SYNE1: variants seen among roughly 807,000 people sequenced by gnomAD.
SYNE1 encodes spectrin repeat containing nuclear envelope protein 1.
In SYNE1, 616 loss-of-function variants were observed where a neutral mutation model predicts 1,111.0. That is an observed-to-expected ratio of 0.55 (90% CI 0.52 to 0.59). The LOEUF is 0.59. Ranked by LOEUF, SYNE1 falls within the 20% of genes least tolerant of loss-of-function variation. The pLI, the probability that SYNE1 is intolerant of heterozygous loss-of-function variation, is 0.00. For synonymous variants in SYNE1, 3,855 were observed against 3,825.8 expected (o/e 1.01, Z -0.28); for missense variants, 10,006 against 10,417.0 (o/e 0.96, Z 1.72).
Position 152,413,603 on chromosome 6 carries a change from TATG to T in SYNE1, c.6051-75_6051-73del, listed in dbSNP as rs2098105689. ...AATGAATATTTCTTCTCCGTAAGTA[TATG>T]ATGAGTCCATAAAGCACTCATTTAG... On this transcript the variant is annotated intron_variant, in intron 41 of 145. Coordinates refer to ENST00000367255, the MANE Select transcript of SYNE1 (RefSeq NM_182961.4). 5.4e-6 allele frequency: 8 copies of T among 1,474,008 alleles called. No individual in the cohort carries two copies. In the South Asian group the frequency reaches 8.1e-5, roughly 15 times the overall value. 91.3% of individuals were successfully genotyped at this position (1,474,008 alleles called of 1,614,324 possible).
chr6:152,377,640 AAT>A (rs1369932106), intron 56 of SYNE1, among the ~76,000 whole-genome samples: 1,550 of 33,720 alleles, frequency 0.046, 54 homozygotes, highest in South Asian at 0.078. Context: ...AAAAAAAAAA[AAT>A]ATATATATAT....
At chr6:152,184,123 TAA>T (rs996209607) in intron 128 of SYNE1, among the ~76,000 whole-genome samples, 3 of 152,122 alleles carry the variant, frequency 2.0e-5, no homozygotes, top group African/African-American at 7.2e-5. Flanking sequence ...ATTAGAGAAA[TAA>T]GAGAGTAATT....
intron 3 of SYNE1, 44 bp from the exon 4 acceptor site, chr6:152,540,065 G>C (rs1336620538): frequency 6.3e-7 from 1 of 1,583,026 alleles, no homozygotes. Flanking sequence ...AATATTTCAT[G>C]AAGCTGTATA....
At chr6:152,271,066 C>T (rs1333760837) in intron 98 of SYNE1, among the ~76,000 whole-genome samples, 1 of 152,112 alleles carries the variant, frequency 6.6e-6, no homozygotes, top group African/African-American at 2.4e-5. Context: ...AGCTGCTGCT[C>T]GCCTGCCCCT....
chr6:152,326,766 T>A, intron 78 of SYNE1, 133 bp from the exon 79 acceptor site: 1 of 825,194 alleles, frequency 1.2e-6, no homozygotes, highest in Admixed American at 2.2e-5. Flanking sequence ...GATAAGTTAG[T>A]GGAATATTTT....
chr6:152,143,958 G>T, intron 137 of SYNE1, 193 bp from the exon 138 acceptor site: 1 of 733,252 alleles, frequency 1.4e-6, no homozygotes, highest in Non-Finnish European at 2.3e-6. Context: ...CAATGAAGGT[G>T]CTTGACTGAG....
At chr6:152,541,466 T>A (rs1235422524) in intron 3 of SYNE1, among the ~76,000 whole-genome samples, 1 of 152,094 alleles carries the variant, frequency 6.6e-6, no homozygotes, top group East Asian at 1.9e-4. Flanking sequence ...GCCACTGAAT[T>A]GGCCAGGCGT....
chr6:152,166,277 C>G (rs1269667873), intron 130 of SYNE1, among the ~76,000 whole-genome samples: 1 of 152,240 alleles, frequency 6.6e-6, no homozygotes, highest in Non-Finnish European at 1.5e-5. Context: ...AAACTCAGTG[C>G]TTTGCACTAA....
chr6:152,318,979 C>A lies in SYNE1; in HGVS notation c.16273G>T (p.Ala5425Ser), dbSNP rs148470155. 2 of 1,614,150 alleles carry A rather than the reference C, an allele frequency of 1.2e-6. No individual in the cohort carries two copies. Among genetic ancestry groups the A allele is most frequent in the Non-Finnish European group, 8.5e-7 (1 of 1,180,024 alleles). ...TGCCGGCTGAGTTCCTGGCTCGTGG[C>A]CTTGCTCTGCTCAACTTCTTTTATT... The part of the protein sequence containing the change: ...DKIKEVEQSK[A>S]TSQELSRQIQ... Residue 5425 changes from alanine (A) to serine (S), a missense_variant, in exon 85 of 146, where the codon GCC (alanine) becomes TCC (serine). Ala to Ser is a moderately conservative substitution (Grantham distance 99). Around this residue, in one of 7 missense-constraint regions of SYNE1, gnomAD observed 4,955 missense variants for 5,017.2 expected, o/e 0.99. Coordinates refer to ENST00000367255, the MANE Select transcript of SYNE1 (RefSeq NM_182961.4).
chr6:152,577,907 C>A (rs1321644011), intron 3 of SYNE1, among the ~76,000 whole-genome samples: 1 of 152,028 alleles, frequency 6.6e-6, no homozygotes, highest in Non-Finnish European at 1.5e-5. Context: ...AAAGTAACAA[C>A]CAGAAGCAAA....
At chr6:152,151,010 G>A (rs765323341) in intron 135 of SYNE1, among the ~76,000 whole-genome samples, 4 of 152,020 alleles carry the variant, frequency 2.6e-5, no homozygotes, top group African/African-American at 4.8e-5. Context: ...TTAGGAGTTC[G>A]AGACCAGCCT....
intron 131 of SYNE1, among the ~76,000 whole-genome samples, chr6:152,160,093 G>A (rs138646388): frequency 0.027 from 4,054 of 151,906 alleles, 185 homozygotes; most frequent in African/African-American, 0.093. Flanking sequence ...TGCAACCTCC[G>A]ACTCCCTGGT....
chr6:152,419,967 C>T (rs1052070277), intron 39 of SYNE1, among the ~76,000 whole-genome samples: 14 of 152,170 alleles, frequency 9.2e-5, no homozygotes, highest in South Asian at 2.1e-4. Flanking sequence ...CCTTTCTTTA[C>T]GAGTGCATCT....
chr6:152,207,193 G>C (rs1405134367), intron 125 of SYNE1, among the ~76,000 whole-genome samples: 2 of 152,136 alleles, frequency 1.3e-5, no homozygotes, highest in African/African-American at 4.8e-5. Context: ...AGGATTCCTA[G>C]ACTAATGGCA....
chr6:152,430,851 AC>A, intron 34 of SYNE1, 142 bp from the exon 35 acceptor site: 1 of 821,224 alleles, frequency 1.2e-6, no homozygotes, highest in Non-Finnish European at 2.0e-6. Flanking sequence ...GTGAGCAAAC[AC>A]CATGTGTTTG....
In SYNE1 at chr6:152,220,914, A is replaced by G. The variant is rs534590883; in HGVS notation, c.21789T>C (p.Asn7263=). The part of the protein sequence containing the change: ...STVQQQEDRT[N]ELLKAATNKD... ...TGTTTGTGGCTGCCTTCAACAGCTC[A>G]TTGGTTCGATCCTCCTGCTGCTGAA... The change falls in exon 119 of 146, where the codon AAT becomes AAC. Residue 7263 remains asparagine, a synonymous_variant. Transcript: ENST00000367255. The G allele has an allele frequency of 1.2e-6, 2 of 1,614,156 alleles. No homozygotes were observed. The highest frequency in any genetic ancestry group is 4.5e-5 in the East Asian group (2 of 44,880).
intron 21 of SYNE1, among the ~76,000 whole-genome samples, chr6:152,461,015 T>C (rs2098730722): frequency 1.3e-5 from 2 of 152,000 alleles, no homozygotes; most frequent in Admixed American, 1.3e-4. Flanking sequence ...TGTTTCATCA[T>C]GTTGGTCAGG....
At chr6:152,488,035 A>C (rs1222839116) in intron 12 of SYNE1, among the ~76,000 whole-genome samples, 1 of 147,340 alleles carries the variant, frequency 6.8e-6, no homozygotes, top group Admixed American at 6.7e-5. Context: ...AGATCACGCC[A>C]TTGCACTCTA....
intron 104 of SYNE1, 126 bp downstream of exon 104, chr6:152,254,754 A>G: frequency 1.1e-6 from 1 of 924,562 alleles, no homozygotes; most frequent in African/African-American, 1.6e-5. Context: ...TTCATTTTCT[A>G]CAATGCTCTT....
Sources: gnomAD v4.1 joint callset for allele counts (sites outside exome capture counted in the v4.1 genomes callset) on GRCh38, gnomAD v4.1.1 for gene constraint, gnomAD v4.1.1 regional missense constraint, MANE v1.5 for transcripts, NCBI Gene and HGNC (gene_info 2026-07-23, HGNC 2026-07-21) for gene names.